Variants in GOPC observed in about 807,000 individuals in gnomAD.
The protein encoded by GOPC is golgi associated PDZ and coiled-coil motif containing, also known as Golgi-associated PDZ and coiled-coil motif-containing protein.
A neutral mutation model predicts 51.2 loss-of-function variants in GOPC; 32 were observed. The ratio of observed to expected loss-of-function variants is 0.63; its 90% confidence interval spans 0.47 to 0.84. The LOEUF (loss-of-function observed/expected upper bound fraction) is 0.84. GOPC is among the 40% of genes least tolerant of loss of function. The pLI is 0.00. For synonymous variants in GOPC, 190 were observed against 205.1 expected (o/e 0.93, Z 0.63); for missense variants, 441 against 555.5 (o/e 0.79, Z 2.07).
chr6:117,584,311 C>T (rs1221241351), intron 1 of GOPC, among the ~76,000 whole-genome samples: 1 of 152,136 alleles, frequency 6.6e-6, no homozygotes, highest in Non-Finnish European at 1.5e-5. Flanking sequence ...CTGTCAGATC[C>T]CACAGATTGA....
At chr6:117,569,457 A>C in intron 7 of GOPC, 115 bp downstream of exon 7, 1 of 1,360,886 alleles carries the variant, frequency 7.3e-7, no homozygotes, top group Non-Finnish European at 9.9e-7. Context: ...CAAAGGAAAC[A>C]AGAACTATGT....
At chr6:117,596,159 G>A (rs1441052700) in intron 1 of GOPC, among the ~76,000 whole-genome samples, 1 of 152,038 alleles carries the variant, frequency 6.6e-6, no homozygotes, top group Non-Finnish European at 1.5e-5. Context: ...GTGTTGTTGA[G>A]CATTTTTTCA....
At chr6:117,582,194 T>C (rs1022737373) in intron 1 of GOPC, among the ~76,000 whole-genome samples, 2 of 151,046 alleles carry the variant, frequency 1.3e-5, no homozygotes, top group Admixed American at 6.6e-5. Flanking sequence ...TTCTAGAGAG[T>C]TGTCCATATT....
intron 1 of GOPC, among the ~76,000 whole-genome samples, chr6:117,592,336 C>T (rs1306617877): frequency 6.6e-6 from 1 of 151,928 alleles, no homozygotes; most frequent in African/African-American, 2.4e-5. Flanking sequence ...CACTGCACTC[C>T]AGCATGGGCA....
At chr6:117,590,834 A>ATTTTGTTTTGTTTG (rs1780105572) in intron 1 of GOPC, among the ~76,000 whole-genome samples, 1 of 150,802 alleles carries the variant, frequency 6.6e-6, no homozygotes, top group African/African-American at 2.4e-5. Context: ...TCAGTTCCAA[A>ATTTTGTTTTGTTTG]TTTTGTTTTG....
At chr6:117,572,485 T>G (rs1319826133) in intron 5 of GOPC, among the ~76,000 whole-genome samples, 1 of 152,216 alleles carries the variant, frequency 6.6e-6, no homozygotes, top group Non-Finnish European at 1.5e-5. Context: ...TTTTATGAAG[T>G]CTGCCATTTT....
At chr6:117,579,419 G>A (rs1209425418) in intron 1 of GOPC, among the ~76,000 whole-genome samples, 3 of 152,226 alleles carry the variant, frequency 2.0e-5, no homozygotes, top group Middle Eastern at 6.8e-3. Context: ...TAGAGACAAT[G>A]TGTGCTGTGG....
intron 1 of GOPC, among the ~76,000 whole-genome samples, chr6:117,584,382 C>T (rs748987837): frequency 6.6e-6 from 1 of 152,222 alleles, no homozygotes; most frequent in Non-Finnish European, 1.5e-5. Flanking sequence ...TCTATGCTTC[C>T]AGAACTTCTG....
At chr6:117,590,431 G>T (rs541047509) in intron 1 of GOPC, among the ~76,000 whole-genome samples, 2 of 151,922 alleles carry the variant, frequency 1.3e-5, no homozygotes, top group Admixed American at 1.3e-4. Context: ...AATTAGCTGG[G>T]CGTGGTGGTA....
rs370236930 is a variant in GOPC, at chr6:117,591,562, C to T, written c.285+10442G>A. 7.2e-4 allele frequency among the ~76,000 whole-genome samples: 110 copies of T among 152,220 alleles called. 4 individuals are homozygous for T. In the South Asian group the frequency reaches 0.019, roughly 27 times the overall value. ...AGGAAAGCCCTCTCTGAGACAATGACGTAAGTGGAGTCTTGAAAGATGAGT... is the reference window on the plus strand; with the variant it reads ...AGGAAAGCCCTCTCTGAGACAATGATGTAAGTGGAGTCTTGAAAGATGAGT... On this transcript the variant is annotated intron_variant, in intron 1 of 8. Coordinates refer to ENST00000368498, the MANE Select transcript of GOPC (RefSeq NM_020399.4).
At chr6:117,574,512 T>C (rs891494641) in intron 4 of GOPC, among the ~76,000 whole-genome samples, 1 of 152,122 alleles carries the variant, frequency 6.6e-6, no homozygotes, top group Non-Finnish European at 1.5e-5. Context: ...GTTTCAGTGA[T>C]CATAAAAAGA....
chr6:117,600,233 T>C (rs1375450757), intron 1 of GOPC, among the ~76,000 whole-genome samples: 3 of 152,194 alleles, frequency 2.0e-5, no homozygotes, highest in East Asian at 3.8e-4. Context: ...CATGCTAACA[T>C]GCTTACTCAG....
chr6:117,589,356 G>A (rs1780080762), intron 1 of GOPC, among the ~76,000 whole-genome samples: 1 of 152,208 alleles, frequency 6.6e-6, no homozygotes, highest in Non-Finnish European at 1.5e-5. Flanking sequence ...TTTCACTCTT[G>A]TTGCCCAGGC....
rs768606976 is a variant in GOPC at position 117,573,641 on chromosome 6, T to G, written c.651-9A>C. On this transcript the variant is annotated splice_polypyrimidine_tract_variant and intron_variant, in intron 4 of 8. Transcript: ENST00000368498. ...ATTGTATCTGTTGGACCCTTCATAT[T>G]GGGAAAAGAGTACATTGATTTTTCA... 3.2e-5 allele frequency: 52 copies of G among 1,602,524 alleles called. No individual in the cohort carries two copies. Among genetic ancestry groups the G allele is most frequent in the Non-Finnish European group, 4.1e-5 (48 of 1,173,908 alleles).
intron 1 of GOPC, among the ~76,000 whole-genome samples, chr6:117,591,639 G>C (rs1314571400): frequency 1.3e-5 from 2 of 152,106 alleles, no homozygotes; most frequent in Non-Finnish European, 2.9e-5. Flanking sequence ...ATACACCAAA[G>C]CCTATGTGAA....
intron 1 of GOPC, 44 bp from the exon 2 acceptor site, chr6:117,579,108 C>G (rs1779924009): frequency 2.0e-6 from 3 of 1,474,550 alleles, no homozygotes; most frequent in Non-Finnish European, 2.7e-6. Flanking sequence ...GCTTAATTTT[C>G]TTTCTTTTGA....
intron 1 of GOPC, among the ~76,000 whole-genome samples, chr6:117,585,626 T>C (rs890278188): frequency 1.3e-5 from 2 of 152,208 alleles, no homozygotes; most frequent in African/African-American, 4.8e-5. Flanking sequence ...TCCTTTGTAA[T>C]TCTGGCAATA....
At chr6:117,585,916 A>T (rs1780025772) in intron 1 of GOPC, among the ~76,000 whole-genome samples, 1 of 152,238 alleles carries the variant, frequency 6.6e-6, no homozygotes, top group South Asian at 2.1e-4. Flanking sequence ...ATTATGAAGA[A>T]AATAGTTGAC....
chr6:117,577,189 A>G (rs1376327028), intron 3 of GOPC, among the ~76,000 whole-genome samples: 1 of 152,098 alleles, frequency 6.6e-6, no homozygotes, highest in Non-Finnish European at 1.5e-5. Flanking sequence ...GCAAGCTACA[A>G]GGCTCAAAAA....
Sources: allele counts gnomAD v4.1 joint callset (sites outside exome capture counted in the v4.1 genomes callset), GRCh38; gene constraint gnomAD v4.1.1; transcripts MANE v1.5; gene names NCBI Gene and HGNC (gene_info 2026-07-23, HGNC 2026-07-21).